ANKS1B: variants seen among roughly 807,000 people sequenced by gnomAD.
ANKS1B encodes the protein ankyrin repeat and sterile alpha motif domain-containing protein 1B.
In ANKS1B, 36 loss-of-function variants were observed where a neutral mutation model predicts 148.3. The ratio of observed to expected loss-of-function variants is 0.24; its 90% CI spans 0.19 to 0.32. The LOEUF (loss-of-function observed/expected upper bound fraction) is 0.32. Among genes scored for constraint, ANKS1B ranks in the 10% least tolerant of loss-of-function variants. The pLI is 1.00. For synonymous variants in ANKS1B, 542 were observed against 560.8 expected (o/e 0.97, Z 0.47); for missense variants, 1,157 against 1,542.6 (o/e 0.75, Z 4.19).
intron 9 of ANKS1B, among the ~76,000 whole-genome samples, chr12:99,525,610 C>T (rs897914348): frequency 2.6e-5 from 4 of 152,070 alleles, no homozygotes; most frequent in African/African-American, 9.7e-5. Context: ...AAGAAAACCA[C>T]GGGTTATATA....
intron 8 of ANKS1B, among the ~76,000 whole-genome samples, chr12:99,754,686 T>TAAG (rs1348839118): frequency 1.3e-5 from 2 of 152,140 alleles, no homozygotes; most frequent in Non-Finnish European, 2.9e-5. Context: ...AAATCAAGAC[T>TAAG]AAGAAATTCA....
chr12:99,506,843 G>A (rs77972283), intron 9 of ANKS1B, among the ~76,000 whole-genome samples: 4,418 of 152,076 alleles, frequency 0.029, 93 homozygotes, highest in South Asian at 0.088. Flanking sequence ...ACAGAAGGAA[G>A]TCCTCATTAC....
intron 16 of ANKS1B, among the ~76,000 whole-genome samples, chr12:99,057,912 C>T (rs1049815517): frequency 6.6e-6 from 1 of 152,152 alleles, no homozygotes; most frequent in Admixed American, 6.5e-5. Flanking sequence ...TACCCTAGCT[C>T]GATGGGGCTC....
intron 17 of ANKS1B, among the ~76,000 whole-genome samples, chr12:98,884,134 A>G (rs1196930007): frequency 6.6e-6 from 1 of 152,222 alleles, no homozygotes; most frequent in African/African-American, 2.4e-5. Context: ...TATATCATTT[A>G]CAGGCTAATA....
intron 17 of ANKS1B, among the ~76,000 whole-genome samples, chr12:98,938,840 C>G (rs1280396067): frequency 6.6e-6 from 1 of 152,178 alleles, no homozygotes; most frequent in East Asian, 1.9e-4. Flanking sequence ...CACCCATCAA[C>G]TATGGGGGTT....
intron 22 of ANKS1B, among the ~76,000 whole-genome samples, chr12:98,789,276 G>A (rs1426569729): frequency 1.3e-5 from 2 of 152,164 alleles, no homozygotes; most frequent in East Asian, 3.8e-4. Flanking sequence ...CTGGAAGGCA[G>A]TGATTGTAGT....
At chr12:99,927,429 A>G (rs1247518885) in intron 1 of ANKS1B, among the ~76,000 whole-genome samples, 4 of 152,214 alleles carry the variant, frequency 2.6e-5, no homozygotes, top group African/African-American at 9.6e-5. Context: ...CCATAAATTG[A>G]TATTATTCAA....
At chr12:99,950,641 TTC>T (rs2095195137) in intron 1 of ANKS1B, among the ~76,000 whole-genome samples, 1 of 152,218 alleles carries the variant, frequency 6.6e-6, no homozygotes, top group Non-Finnish European at 1.5e-5. Context: ...TCACTATTTT[TTC>T]TGAGTCCAAC....
chr12:99,855,436 T>TGAGATA (rs2088851871), intron 1 of ANKS1B, among the ~76,000 whole-genome samples: 1 of 151,948 alleles, frequency 6.6e-6, no homozygotes, highest in African/African-American at 2.4e-5. Context: ...ACCTAAGAAA[T>TGAGATA]GAGATAGACA....
chr12:99,591,768 C>T (rs1353800086), intron 9 of ANKS1B, among the ~76,000 whole-genome samples: 4 of 152,080 alleles, frequency 2.6e-5, no homozygotes, highest in South Asian at 2.1e-4. Flanking sequence ...GGGCTCTCTT[C>T]GAGAAAGAGG....
intron 8 of ANKS1B, among the ~76,000 whole-genome samples, chr12:99,737,061 G>C (rs1185255719): frequency 6.6e-6 from 1 of 152,002 alleles, no homozygotes; most frequent in Non-Finnish European, 1.5e-5. Context: ...TGCAGAGAAA[G>C]GGAACTTTTA....
chr12:98,910,711 A>T (rs370739235), intron 17 of ANKS1B, among the ~76,000 whole-genome samples: 13 of 152,330 alleles, frequency 8.5e-5, no homozygotes, highest in African/African-American at 2.6e-4. Flanking sequence ...ATTAGTTTTA[A>T]TGTGAAATAG....
At chr12:99,129,292 T>G (rs761101012) in intron 15 of ANKS1B, among the ~76,000 whole-genome samples, 27 of 152,198 alleles carry the variant, frequency 1.8e-4, no homozygotes, top group Non-Finnish European at 3.1e-4. Context: ...CATCTGTCAA[T>G]GCATAGCAGG....
intron 3 of ANKS1B, among the ~76,000 whole-genome samples, chr12:99,810,119 T>C (rs560209533): frequency 4.6e-5 from 7 of 152,076 alleles, no homozygotes; most frequent in Non-Finnish European, 5.9e-5. Flanking sequence ...GTCAAAGTCC[T>C]GAGTCTCAGT....
rs189787181 is a variant in ANKS1B at position 99,570,627 on chromosome 12, C to T, written c.1273-65986G>A. On this transcript the variant is annotated intron_variant, in intron 9 of 26. Transcript: ENST00000683438. ...GGCCACTGCACTCCAGCCTGAGCGA[C>T]GGAGCGAGACTTCGTCTCAAAAAAA... is the stretch of plus-strand genomic sequence containing the variant. 3.8e-3 allele frequency among the ~76,000 whole-genome samples: 538 copies of T among 141,494 alleles called. 3 individuals carry two copies. Among genetic ancestry groups the T allele is most frequent in the African/African-American group, 0.014 (513 of 37,580 alleles). The allele number at this position is 141,494 out of a possible 152,430, so 92.8% of individuals were successfully genotyped here. A position where few individuals can be genotyped will look rare whatever the true frequency, so the allele number is the denominator to read the frequency against.
chr12:99,339,039 A>G (rs2089464695), intron 12 of ANKS1B, among the ~76,000 whole-genome samples: 2 of 152,134 alleles, frequency 1.3e-5, no homozygotes, highest in Non-Finnish European at 2.9e-5. Flanking sequence ...CTGGTGTCCC[A>G]CTAGGTCATG....
Position 99,312,261 on chromosome 12 carries a change from A to C in ANKS1B, c.1757-65397T>G, listed in dbSNP as rs552033518. Among the ~76,000 whole-genome samples, 7 of 152,336 alleles carry C rather than the reference A, an allele frequency of 4.6e-5. No individual in the cohort carries two copies. In the South Asian group the frequency reaches 1.4e-3, roughly 32 times the overall value. ...TCGGAAGTGCTGGCTAATTAACAAA[A>C]GGCATTGGCAACATTTACGGACTTA... On this transcript the variant is annotated intron_variant, in intron 12 of 26. Transcript: ENST00000683438.
At chr12:99,221,938 AAATT>A (rs1335348154) in intron 14 of ANKS1B, among the ~76,000 whole-genome samples, 9 of 152,210 alleles carry the variant, frequency 5.9e-5, no homozygotes, top group South Asian at 4.1e-4. Context: ...ATAGTTAAAT[AAATT>A]AAGGTATATT....
chr12:99,926,027 T>C (rs1324131821), intron 1 of ANKS1B, among the ~76,000 whole-genome samples: 1 of 152,210 alleles, frequency 6.6e-6, no homozygotes, highest in African/African-American at 2.4e-5. Context: ...TATCATAAGA[T>C]TGGTTGCCTA....
Sources: allele counts gnomAD v4.1 joint callset (sites outside exome capture counted in the v4.1 genomes callset), GRCh38; gene constraint gnomAD v4.1.1; transcripts MANE v1.5; gene names NCBI Gene and HGNC (gene_info 2026-07-23, HGNC 2026-07-21).